BTRC: variants seen among roughly 807,000 people sequenced by gnomAD.
BTRC encodes the protein F-box/WD repeat-containing protein 1A.
Under a neutral mutation model 85.5 loss-of-function variants are expected in BTRC, and 42 were observed. The observed-to-expected ratio is 0.49, with a 90% CI of 0.38 to 0.64. BTRC has a LOEUF of 0.64. BTRC is among the 30% of genes least tolerant of loss of function. The pLI, the probability that BTRC is intolerant of heterozygous loss-of-function variation, is 0.00. For missense variants in BTRC, 594 were observed against 743.5 expected, an observed-to-expected ratio of 0.80 and a Z score of 2.34; for synonymous variants, 255 against 263.3, an observed-to-expected ratio of 0.97 and a Z score of 0.30.
In BTRC at chr10:101,374,003, T is replaced by A. The variant is rs191915367; in HGVS notation, c.48+19775T>A. ...GAGACTTGGAAGGTGGAAAGCTGGG[T>A]GATGATTAGATGGAGATTATATATT... is the stretch of plus-strand genomic sequence containing the variant. On this transcript the variant is annotated intron_variant, in intron 1 of 14. Transcript: ENST00000370187. 9.4e-4 allele frequency among the ~76,000 whole-genome samples: 142 copies of A among 151,392 alleles called. 1 individual carries two copies. The highest frequency in any genetic ancestry group is 3.4e-3 in the Middle Eastern group (1 of 290).
Position 101,354,208 on chromosome 10 carries a change from G to C in BTRC, c.28G>C (p.Glu10Gln), listed in dbSNP as rs1457417375. MDPAEAVLQ[E>Q]KALKFMCSMP... ...GGACCCGGCCGAGGCGGTGCTGCAAGAGAAGGCACTCAAGTTTATGGTGAG... is the reference window on the plus strand; with the variant it reads ...GGACCCGGCCGAGGCGGTGCTGCAACAGAAGGCACTCAAGTTTATGGTGAG... The change falls in exon 1 of 15, where the codon GAG becomes CAG. Residue 10 changes from glutamate (E) to glutamine (Q), a missense_variant. Transcript: ENST00000370187. 6.5e-7 allele frequency: 1 copy of C among 1,549,284 alleles called. No homozygotes were observed. The highest frequency in any genetic ancestry group is 8.7e-7 in the Non-Finnish European group (1 of 1,146,692).
At chr10:101,548,331 T>C (rs1014939791) in intron 13 of BTRC, among the ~76,000 whole-genome samples, 1 of 152,190 alleles carries the variant, frequency 6.6e-6, no homozygotes, top group Non-Finnish European at 1.5e-5. Flanking sequence ...AGCCCCTATG[T>C]CCACCAACAA....
At chr10:101,552,507 TCTTC>T (rs2062668036) in intron 14 of BTRC, among the ~76,000 whole-genome samples, 1 of 152,134 alleles carries the variant, frequency 6.6e-6, no homozygotes, top group Non-Finnish European at 1.5e-5. Flanking sequence ...CTCTGGCTTT[TCTTC>T]CTTATCTGAG....
chr10:101,474,166 A>G (rs534954284), intron 3 of BTRC, among the ~76,000 whole-genome samples: 1 of 152,136 alleles, frequency 6.6e-6, no homozygotes, highest in African/African-American at 2.4e-5. Flanking sequence ...TCTCATTTTT[A>G]GTAATTTTTG....
intron 2 of BTRC, among the ~76,000 whole-genome samples, chr10:101,449,997 TAA>T (rs58259295): frequency 7.0e-6 from 1 of 143,680 alleles, no homozygotes; most frequent in Admixed American, 6.9e-5. Context: ...GATAAAAATG[TAA>T]AAAAAAAAAA....
intron 1 of BTRC, among the ~76,000 whole-genome samples, chr10:101,385,736 C>T (rs1943061018): frequency 6.7e-6 from 1 of 150,120 alleles, no homozygotes; most frequent in African/African-American, 2.4e-5. Flanking sequence ...CCCAGACACA[C>T]ACACACACAT....
chr10:101,492,179 CTAATT>C lies in BTRC; in HGVS notation c.324+12727_324+12731del, dbSNP rs574842676. On this transcript the variant is annotated intron_variant, in intron 4 of 14. Transcript: ENST00000370187. ...GTTTTATACCTCAAACATCACTTCTCTAATTTAATCCACATTTTCTAGGAGTATCT... is the reference window on the plus strand; with the variant it reads ...GTTTTATACCTCAAACATCACTTCTCTAATCCACATTTTCTAGGAGTATCT... 3.6e-3 allele frequency among the ~76,000 whole-genome samples: 548 copies of C among 152,220 alleles called. 3 individuals carry two copies. Among genetic ancestry groups the C allele is most frequent in the Middle Eastern group, 0.01 (3 of 294 alleles).
rs71016324 is a variant in BTRC at position 101,475,922 on chromosome 10, CAT to C, written c.235-3415_235-3414del. On this transcript the variant is annotated intron_variant, in intron 3 of 14. Transcript: ENST00000370187. ...TTTGCATAGTCTCCAAGTATTTTGCCATATATATATATATATATATATATATA... is the reference window on the plus strand; with the variant it reads ...TTTGCATAGTCTCCAAGTATTTTGCCATATATATATATATATATATATATA... Among the ~76,000 whole-genome samples the C allele has an allele frequency of 6.5e-3, 439 of 67,554 alleles. 8 individuals carry two copies. The highest frequency in any genetic ancestry group is 0.034 in the Middle Eastern group (3 of 88). 44.3% of individuals were successfully genotyped at this position (67,554 alleles called of 152,430 possible).
At chr10:101,415,560 A>G (rs1202227426) in intron 1 of BTRC, among the ~76,000 whole-genome samples, 1 of 129,418 alleles carries the variant, frequency 7.7e-6, no homozygotes, top group Non-Finnish European at 1.6e-5. Context: ...TGTTATTTTG[A>G]GACAGAGTTT....
intron 4 of BTRC, among the ~76,000 whole-genome samples, chr10:101,481,989 G>A (rs536982280): frequency 6.6e-6 from 1 of 152,268 alleles, no homozygotes; most frequent in African/African-American, 2.4e-5. Context: ...AGTCTCCAGT[G>A]AGGTACCCAT....
intron 11 of BTRC, 133 bp downstream of exon 11, chr10:101,535,605 G>C: frequency 1.8e-6 from 1 of 571,070 alleles, no homozygotes; most frequent in South Asian, 4.2e-5. Flanking sequence ...GCTTCTTACA[G>C]GTCAGAAGTT....
chr10:101,396,823 G>A (rs1378946873), intron 1 of BTRC, among the ~76,000 whole-genome samples: 1 of 145,536 alleles, frequency 6.9e-6, no homozygotes, highest in African/African-American at 2.6e-5. Context: ...TTTTTTTTGA[G>A]ACAGAGTCTC....
At chr10:101,542,921 G>A (rs2062490592) in intron 13 of BTRC, among the ~76,000 whole-genome samples, 1 of 152,144 alleles carries the variant, frequency 6.6e-6, no homozygotes, top group Non-Finnish European at 1.5e-5. Context: ...TTGTCACCCA[G>A]GCTGGAGTGC....
chr10:101,505,087 G>A (rs1332692230), intron 4 of BTRC, among the ~76,000 whole-genome samples: 3 of 46,142 alleles, frequency 6.5e-5, no homozygotes, highest in African/African-American at 3.2e-4. Flanking sequence ...GATTACAGGC[G>A]TGCACCACTG....
chr10:101,361,841 A>G (rs945328055), intron 1 of BTRC, among the ~76,000 whole-genome samples: 2 of 152,244 alleles, frequency 1.3e-5, no homozygotes, highest in Admixed American at 6.5e-5. Context: ...ACTACCTGCT[A>G]GTTCCTGGAT....
At chr10:101,377,527 C>T (rs561327558) in intron 1 of BTRC, among the ~76,000 whole-genome samples, 5 of 152,128 alleles carry the variant, frequency 3.3e-5, no homozygotes, top group African/African-American at 4.8e-5. Flanking sequence ...GATCTACATC[C>T]GTGTCAGCAT....
rs866889329 is a variant in BTRC, at chr10:101,366,798, T to A, written c.48+12570T>A. ...TATATATATATATATATTTTTACAT[T>A]TATATATATATTTATATATATTAAT... is the stretch of plus-strand genomic sequence containing the variant. On this transcript the variant is annotated intron_variant, in intron 1 of 14. Transcript: ENST00000370187. Among the ~76,000 whole-genome samples the A allele has an allele frequency of 4.2e-4, 37 of 87,786 alleles. 2 individuals are homozygous for A. The highest frequency in any genetic ancestry group is 1.3e-3 in the African/African-American group (29 of 22,534). 57.6% of individuals were successfully genotyped at this position (87,786 alleles called of 152,430 possible).
At chr10:101,507,438 C>G (rs752978148) in intron 4 of BTRC, among the ~76,000 whole-genome samples, 4 of 152,204 alleles carry the variant, frequency 2.6e-5, no homozygotes, top group Non-Finnish European at 4.4e-5. Context: ...GGCTCTGTGC[C>G]GCTCCGATCC....
At position 101,473,392 on chromosome 10, in the gene BTRC, G is replaced by A. The variant is rs572487846; in HGVS notation, c.235-5976G>A. ...CTTGACCTTCTGGGCTCAAGCAACC[G>A]CCCACCCCAGCCTCCTGAGTAGCTG... On this transcript the variant is annotated intron_variant, in intron 3 of 14. Coordinates refer to ENST00000370187, the MANE Select transcript of BTRC (RefSeq NM_033637.4). 1.4e-3 allele frequency among the ~76,000 whole-genome samples: 206 copies of A among 149,644 alleles called. 4 individuals carry two copies. The South Asian group carries it at 0.043, about 31-fold the overall frequency.
Sources: gnomAD v4.1 joint callset for allele counts (sites outside exome capture counted in the v4.1 genomes callset) on GRCh38, gnomAD v4.1.1 for gene constraint, MANE v1.5 for transcripts, NCBI Gene and HGNC (gene_info 2026-07-23, HGNC 2026-07-21) for gene names.